Variants in MLIP observed in about 807,000 individuals in gnomAD.
The protein encoded by MLIP is muscular LMNA-interacting protein.
MLIP carries 79 observed loss-of-function variants against 84.8 expected under a neutral mutation model. The ratio of observed to expected loss-of-function variants is 0.93; its 90% CI spans 0.78 to 1.12. The LOEUF (loss-of-function observed/expected upper bound fraction) is 1.12. Ranked by LOEUF, MLIP falls within the 50% of genes most tolerant of loss-of-function variation. The probability of loss-of-function intolerance (pLI) is 0.00; values close to 1 mark genes in which losing one functional copy is unlikely to be tolerated. For missense variants in MLIP, 1,257 were observed against 1,160.6 expected (o/e 1.08, Z -1.21); for synonymous variants, 504 against 463.0 (o/e 1.09, Z -1.14).
intron 9 of MLIP, among the ~76,000 whole-genome samples, chr6:54,176,515 A>C (rs983483645): frequency 1.2e-4 from 18 of 151,932 alleles, no homozygotes; most frequent in South Asian, 4.1e-4. Context: ...ATTTTCCAAC[A>C]TATTGGCATA....
chr6:54,057,588 A>G (rs992335234), intron 1 of MLIP, among the ~76,000 whole-genome samples: 3 of 152,250 alleles, frequency 2.0e-5, no homozygotes. Context: ...CTCCTTCTGC[A>G]GAAATCTCTT....
At chr6:54,254,751 C>T (rs1263444114) in intron 12 of MLIP, among the ~76,000 whole-genome samples, 2 of 135,882 alleles carry the variant, frequency 1.5e-5, no homozygotes, top group Non-Finnish European at 3.1e-5. Flanking sequence ...TCCCTTCCTT[C>T]CTTCCTTCCT....
At position 54,160,767 on chromosome 6, in the gene MLIP, C is replaced by T. The variant is rs752943566; in HGVS notation, c.2467C>T (p.Pro823Ser). 6.2e-7 allele frequency: 1 copy of T among 1,603,618 alleles called. No homozygotes were observed. Among genetic ancestry groups the T allele is most frequent in the Non-Finnish European group, 8.5e-7 (1 of 1,171,584 alleles). ...TTCTTCTGATTCTCCTTCAAGGTCC[C>T]CAAAGACATTGTTGGGTTCTGACAC... ...MHSSDSPSRS[P>S]KTLLGSDTVK... Residue 823 changes from proline to serine, a missense_variant, in exon 8 of 14, where the codon CCA becomes TCA. Coordinates refer to ENST00000502396, the MANE Select transcript of MLIP (RefSeq NM_001281747.2).
chr6:54,227,187 G>T (rs757005795), intron 11 of MLIP, among the ~76,000 whole-genome samples: 6 of 152,200 alleles, frequency 3.9e-5, no homozygotes, highest in African/African-American at 4.8e-5. Flanking sequence ...ATAATTATAA[G>T]CTTCCTGAGA....
intron 1 of MLIP, among the ~76,000 whole-genome samples, chr6:54,115,410 T>G (rs1769826279): frequency 1.3e-5 from 2 of 152,214 alleles, no homozygotes; most frequent in African/African-American, 4.8e-5. Context: ...ATTTAAATCA[T>G]GGTGAAGTTA....
chr6:54,208,067 G>T (rs1329822318), intron 11 of MLIP, among the ~76,000 whole-genome samples: 1 of 152,092 alleles, frequency 6.6e-6, no homozygotes, highest in East Asian at 2.0e-4. Context: ...GGAGGAGCTT[G>T]CAGTGAGCTG....
intron 9 of MLIP, among the ~76,000 whole-genome samples, chr6:54,178,887 G>GGATA (rs1776570861): frequency 6.6e-6 from 1 of 152,170 alleles, no homozygotes; most frequent in South Asian, 2.1e-4. Context: ...TGGATAAAAT[G>GGATA]TTCTGTAAAT....
At chr6:54,060,594 C>G (rs555917486) in intron 1 of MLIP, among the ~76,000 whole-genome samples, 1 of 152,230 alleles carries the variant, frequency 6.6e-6, no homozygotes, top group East Asian at 1.9e-4. Flanking sequence ...TGTCATTCAG[C>G]TCATATACAT....
intron 9 of MLIP, among the ~76,000 whole-genome samples, chr6:54,183,845 G>A (rs1195570749): frequency 1.3e-5 from 2 of 149,248 alleles, no homozygotes; most frequent in Admixed American, 6.8e-5. Context: ...CTTAGACAGT[G>A]TAAGTTCCAT....
At chr6:54,126,413 A>G (rs1218210663) in intron 3 of MLIP, among the ~76,000 whole-genome samples, 1 of 152,154 alleles carries the variant, frequency 6.6e-6, no homozygotes, top group East Asian at 1.9e-4. Context: ...GTTATTTAGG[A>G]GCAGGTTATA....
At chr6:54,041,973 A>T (rs1014172521) in intron 1 of MLIP, among the ~76,000 whole-genome samples, 4 of 152,120 alleles carry the variant, frequency 2.6e-5, no homozygotes, top group Admixed American at 2.0e-4. Flanking sequence ...ACTTAGTGAG[A>T]ACCACTAGCT....
At chr6:54,071,335 AAAAC>A (rs1381958749) in intron 1 of MLIP, among the ~76,000 whole-genome samples, 1 of 152,156 alleles carries the variant, frequency 6.6e-6, no homozygotes, top group Admixed American at 6.5e-5. Flanking sequence ...AAAAGAAAAA[AAAAC>A]AAAGTTATCT....
intron 13 of MLIP, among the ~76,000 whole-genome samples, chr6:54,264,890 CCTT>C (rs1282641441): frequency 2.6e-5 from 4 of 152,032 alleles, no homozygotes; most frequent in African/African-American, 7.2e-5. Context: ...TTATCTGTCT[CCTT>C]CTTCTAGTCT....
intron 1 of MLIP, among the ~76,000 whole-genome samples, chr6:54,032,870 AT>A (rs1173498665): frequency 1.3e-5 from 2 of 152,194 alleles, no homozygotes; most frequent in Non-Finnish European, 2.9e-5. Flanking sequence ...ACAATTTTAG[AT>A]TGGTATCTAT....
chr6:54,166,464 C>A (rs1775204296), intron 8 of MLIP, among the ~76,000 whole-genome samples: 1 of 151,922 alleles, frequency 6.6e-6, no homozygotes, highest in Middle Eastern at 3.2e-3. Context: ...TAAACCCAGT[C>A]CTGAGTTGAG....
At chr6:54,036,004 C>T (rs1764415851) in intron 1 of MLIP, among the ~76,000 whole-genome samples, 1 of 151,790 alleles carries the variant, frequency 6.6e-6, no homozygotes, top group Admixed American at 6.6e-5. Context: ...TTTTCTTTTA[C>T]AGATCATGCT....
chr6:54,219,121 G>A (rs1780042581), intron 11 of MLIP, among the ~76,000 whole-genome samples: 1 of 151,894 alleles, frequency 6.6e-6, no homozygotes, highest in Admixed American at 6.6e-5. Context: ...CAGGAGAATG[G>A]TGTGAACCTG....
intron 12 of MLIP, among the ~76,000 whole-genome samples, chr6:54,237,512 T>C (rs1781445457): frequency 6.6e-6 from 1 of 152,008 alleles, no homozygotes; most frequent in Middle Eastern, 3.4e-3. Flanking sequence ...AAATTTTATG[T>C]TTATGATCTA....
intron 3 of MLIP, among the ~76,000 whole-genome samples, chr6:54,135,988 C>A (rs1437867390): frequency 6.6e-6 from 1 of 152,006 alleles, no homozygotes; most frequent in Non-Finnish European, 1.5e-5. Flanking sequence ...GTAAAGTGTT[C>A]GGGCTTCTTT....
Sources: gnomAD v4.1 joint callset for allele counts (sites outside exome capture counted in the v4.1 genomes callset) on GRCh38, gnomAD v4.1.1 for gene constraint, MANE v1.5 for transcripts, NCBI Gene and HGNC (gene_info 2026-07-23, HGNC 2026-07-21) for gene names.